The following SORBS2 variants were observed in gnomAD, a reference collection of about 807,000 sequenced individuals.
SORBS2 encodes sorbin and SH3 domain-containing protein 2.
In SORBS2, 46 loss-of-function variants were observed where a neutral mutation model predicts 97.7. The ratio of observed to expected loss-of-function variants is 0.47; its 90% confidence interval spans 0.37 to 0.60. SORBS2 has a LOEUF of 0.60. Among genes scored for constraint, SORBS2 ranks in the 20% least tolerant of loss-of-function variants. The probability of loss-of-function intolerance (pLI) is 0.00; values close to 1 mark genes in which losing one functional copy is unlikely to be tolerated. For synonymous variants in SORBS2, 476 were observed against 473.4 expected (o/e 1.01, Z -0.07); for missense variants, 1,316 against 1,282.3 (o/e 1.03, Z -0.40).
Position 185,623,034 on chromosome 4 carries a change from C to A in SORBS2, c.2095G>T (p.Ala699Ser), listed in dbSNP as rs760349503. ...TTCTGGTAGGGTGGACAATGAATAG[C>A]ACCATCGGGAGGCAGTGGGTGGAGA... is the stretch of plus-strand genomic sequence containing the variant. The change falls in exon 7 of 15, where the codon GCT becomes TCT. Residue 699 changes from alanine to serine, a missense_variant. Ala to Ser is a moderately conservative substitution (Grantham distance 99). Transcript: ENST00000418609. This position sits in a 1 kb window ranked among gnomAD's most constrained non-coding sequence, Gnocchi z 6.4. The A allele has an allele frequency of 1.9e-6, 3 of 1,614,158 alleles. No individual in the cohort carries two copies. In the South Asian group the frequency reaches 3.3e-5, roughly 18 times the overall value.
chr4:185,862,249 G>A (rs1314519124), intron 1 of SORBS2, among the ~76,000 whole-genome samples: 1 of 152,240 alleles, frequency 6.6e-6, no homozygotes, highest in East Asian at 1.9e-4. Context: ...CGGTGTGAAG[G>A]TGCCAGGCTT....
intron 1 of SORBS2, among the ~76,000 whole-genome samples, chr4:185,948,828 A>T (rs2099275828): frequency 6.6e-6 from 1 of 152,026 alleles, no homozygotes; most frequent in Non-Finnish European, 1.5e-5. Context: ...ATGAATTTCA[A>T]AATATTAAAT....
intron 2 of SORBS2, among the ~76,000 whole-genome samples, chr4:185,701,178 A>T (rs141747265): frequency 4.0e-4 from 61 of 152,214 alleles, no homozygotes; most frequent in African/African-American, 1.4e-3. Context: ...ATAAACTCTC[A>T]ACACTCTTTC....
At chr4:185,657,664 T>C (rs1350575282), upstream of SORBS2, 3 of 1,434,670 alleles carry the variant, frequency 2.1e-6, no homozygotes, top group South Asian at 2.5e-5. Context: ...ATGTGTCTTG[T>C]TGTATATTTA....
chr4:185,736,905 C>T (rs1279448420), intron 2 of SORBS2, among the ~76,000 whole-genome samples: 1 of 152,234 alleles, frequency 6.6e-6, no homozygotes, highest in African/African-American at 2.4e-5. Flanking sequence ...TTTTACCTAA[C>T]AATACCATAC....
intron 1 of SORBS2, among the ~76,000 whole-genome samples, chr4:185,852,247 A>G (rs2099218305): frequency 6.6e-6 from 1 of 152,216 alleles, no homozygotes; most frequent in African/African-American, 2.4e-5. Context: ...TAAGGCCACT[A>G]AGTCACTCAT....
In SORBS2 at chr4:185,607,723, C is replaced by G. The variant is rs1045144078; in HGVS notation, c.2796+4057G>C. 2.0e-5 allele frequency among the ~76,000 whole-genome samples: 3 copies of G among 152,054 alleles called. No homozygotes were observed. Among genetic ancestry groups the G allele is most frequent in the Admixed American group, 2.0e-4 (3 of 15,274 alleles). ...TTAAAAAATTTTTTAGAGATGGAGT[C>G]TCGCTGTGGCACCCAGGCTGGAGTG... is the stretch of plus-strand genomic sequence containing the variant. On this transcript the variant is annotated intron_variant, in intron 12 of 14. Transcript: ENST00000418609. This position sits in a 1 kb window ranked among gnomAD's most constrained non-coding sequence, Gnocchi z 5.2.
At chr4:185,672,965 C>T (rs1408959868) in intron 4 of SORBS2, among the ~76,000 whole-genome samples, 2 of 152,092 alleles carry the variant, frequency 1.3e-5, no homozygotes, top group African/African-American at 2.4e-5. Context: ...TAGAAACAAA[C>T]CAAATGTCCA....
At chr4:185,915,709 AC>A (rs931680865) in intron 1 of SORBS2, among the ~76,000 whole-genome samples, 10 of 149,196 alleles carry the variant, frequency 6.7e-5, no homozygotes, top group African/African-American at 2.2e-4. Context: ...TCTGCCCCCC[AC>A]CCCCAGCATT....
At chr4:185,901,619 G>A (rs1357533689) in intron 1 of SORBS2, among the ~76,000 whole-genome samples, 1 of 152,002 alleles carries the variant, frequency 6.6e-6, no homozygotes, top group Non-Finnish European at 1.5e-5. Flanking sequence ...CATGTCTATA[G>A]AGCTTTTAAC....
At chr4:185,847,924 T>C (rs1179982469) in intron 1 of SORBS2, among the ~76,000 whole-genome samples, 1 of 152,202 alleles carries the variant, frequency 6.6e-6, no homozygotes, top group Non-Finnish European at 1.5e-5. Context: ...ATCAGTCCTT[T>C]GGCATTCCGC....
At chr4:185,723,644 G>T (rs1319790034) in intron 2 of SORBS2, among the ~76,000 whole-genome samples, 1 of 152,224 alleles carries the variant, frequency 6.6e-6, no homozygotes, top group Non-Finnish European at 1.5e-5. Flanking sequence ...GGGGCTTGAG[G>T]TAGGGAGTGT....
At chr4:185,825,635 T>C (rs1274440283) in intron 1 of SORBS2, among the ~76,000 whole-genome samples, 1 of 152,200 alleles carries the variant, frequency 6.6e-6, no homozygotes, top group Non-Finnish European at 1.5e-5. Flanking sequence ...TTGTTGCAGT[T>C]TCTGTATCTC....
intron 1 of SORBS2, among the ~76,000 whole-genome samples, chr4:185,800,937 T>C (rs188233143): frequency 7.9e-5 from 12 of 152,312 alleles, no homozygotes; most frequent in Non-Finnish European, 1.5e-4. Flanking sequence ...CCTAGCAAGC[T>C]GCAAGTGTGC....
rs944061317 is a variant in SORBS2 at position 185,606,005 on chromosome 4, C to T, written c.2796+5775G>A. ...TCTTAAGTAGTCAATGTGAAGTCAA[C>T]ACAAAGAGAACGACCTCTTTAGAAA... is the stretch of plus-strand genomic sequence containing the variant. On this transcript the variant is annotated intron_variant, in intron 12 of 14. Transcript: ENST00000418609. This position sits in a 1 kb window ranked among gnomAD's most constrained non-coding sequence, Gnocchi z 4.3. 57 of 723,956 alleles carry T rather than the reference C, an allele frequency of 7.9e-5. No homozygotes were observed. The highest frequency in any genetic ancestry group is 5.6e-4 in the African/African-American group (29 of 51,974). The allele number at this position is 723,956 out of a possible 1,614,324, so 44.8% of individuals were successfully genotyped here. A position where few individuals can be genotyped will look rare whatever the true frequency, so the allele number is the denominator to read the frequency against.
intron 4 of SORBS2, among the ~76,000 whole-genome samples, chr4:185,632,617 C>T (rs753332231): frequency 5.9e-5 from 9 of 152,306 alleles, no homozygotes; most frequent in Middle Eastern, 3.4e-3. Context: ...GTGCAGATCA[C>T]GGCTTTCGTG....
At chr4:185,839,803 G>A (rs7674180) in intron 1 of SORBS2, among the ~76,000 whole-genome samples, 135,051 of 152,196 alleles carry the variant, frequency 0.89, 60,780 homozygotes, top group Middle Eastern at 0.97. Context: ...AGAAACCCTA[G>A]GTAAATTGTA....
chr4:185,767,473 C>G (rs1470161512), intron 2 of SORBS2, among the ~76,000 whole-genome samples: 3 of 125,374 alleles, frequency 2.4e-5, no homozygotes, highest in Non-Finnish European at 4.7e-5. Flanking sequence ...GCACTCCAGC[C>G]TGGGCGACAG....
chr4:185,882,925 CATGT>C (rs1308474665), intron 1 of SORBS2, among the ~76,000 whole-genome samples: 2 of 152,110 alleles, frequency 1.3e-5, no homozygotes, highest in East Asian at 3.9e-4. Context: ...CATAGAAATA[CATGT>C]ACATCTTAAA....
Sources: gnomAD v4.1 joint callset for allele counts (sites outside exome capture counted in the v4.1 genomes callset) on GRCh38, gnomAD v4.1.1 for gene constraint, Gnocchi (gnomAD v3.1) non-coding constraint, MANE v1.5 for transcripts, NCBI Gene and HGNC (gene_info 2026-07-23, HGNC 2026-07-21) for gene names.